Variants in WBP1L observed in about 807,000 individuals in gnomAD.
WBP1L encodes WW domain binding protein 1-like.
WBP1L carries 17 observed loss-of-function variants against 33.7 expected under a neutral mutation model. The ratio of observed to expected loss-of-function variants is 0.50; its 90% CI spans 0.34 to 0.76. The LOEUF (loss-of-function observed/expected upper bound fraction) is 0.76. Ranked by LOEUF, WBP1L falls within the 30% of genes least tolerant of loss-of-function variation. The pLI, the probability that WBP1L is intolerant of heterozygous loss-of-function variation, is 0.01. For missense variants in WBP1L, 389 were observed against 469.4 expected (o/e 0.83, Z 1.58); for synonymous variants, 173 against 190.8 (o/e 0.91, Z 0.77).
At chr10:102,757,177 C>T (rs1400620724) in intron 1 of WBP1L, among the ~76,000 whole-genome samples, 1 of 152,082 alleles carries the variant, frequency 6.6e-6, no homozygotes, top group Non-Finnish European at 1.5e-5. Context: ...ATGTGAGCCA[C>T]CACACCCAGC....
rs777376568 is a variant in WBP1L at position 102,813,204 on chromosome 10, A to G, written c.965A>G (p.Gln322Arg). ...GGTGATGAGGAGGAAGGCCTCTGTCAGTCCTCTGAGGAGCAGGCTCGAGAG... is the reference window on the plus strand; with the variant it reads ...GGTGATGAGGAGGAAGGCCTCTGTCGGTCCTCTGAGGAGCAGGCTCGAGAG... ...PPGDEEEGLCQSSEEQAREPG... is the reference protein window; with the variant it reads ...PPGDEEEGLCRSSEEQAREPG... The change falls in exon 4 of 4, where the codon CAG (glutamine) becomes CGG (arginine). Residue 322 changes from glutamine (Q) to arginine (R), a missense_variant. Gln to Arg is a conservative substitution (Grantham distance 43). Transcript: ENST00000448841. 3.7e-6 allele frequency: 6 copies of G among 1,613,620 alleles called. No homozygotes were observed. Among genetic ancestry groups the G allele is most frequent in the Middle Eastern group, 3.3e-4 (2 of 6,060 alleles).
At chr10:102,762,208 A>C (rs766026184) in intron 1 of WBP1L, among the ~76,000 whole-genome samples, 4 of 152,132 alleles carry the variant, frequency 2.6e-5, no homozygotes, top group Non-Finnish European at 4.4e-5. Context: ...AAAAATGAAG[A>C]AGTAAAAATA....
chr10:102,781,898 C>T (rs915384118), intron 1 of WBP1L, among the ~76,000 whole-genome samples: 5 of 151,512 alleles, frequency 3.3e-5, no homozygotes, highest in African/African-American at 9.7e-5. Flanking sequence ...GATGGAGTCT[C>T]GCTCTTGCTC....
chr10:102,744,488 T>A, intron 1 of WBP1L: 6 of 985,286 alleles, frequency 6.1e-6, no homozygotes, highest in Non-Finnish European at 7.2e-6. Context: ...CAGGCAGTAA[T>A]GCAGTATGTA....
rs928743348 is a variant in WBP1L, at chr10:102,814,320, C to A, written c.*989C>A. ...CCCTTTGGTCTGTGTTCACAGGTGA[C>A]CCGTGTCAGCCTGCATCGCAAGCAC... On this transcript the variant is annotated 3_prime_UTR_variant, in exon 4 of 4. Transcript: ENST00000448841. The A allele has an allele frequency of 1.3e-5, 2 of 152,488 alleles. No homozygotes were observed. The highest frequency in any genetic ancestry group is 2.9e-5 in the Non-Finnish European group (2 of 68,044). The allele number at this position is 152,488 out of a possible 1,614,324, so 9.4% of individuals were successfully genotyped here. A position where few individuals can be genotyped will look rare whatever the true frequency, so the allele number is the denominator to read the frequency against.
intron 1 of WBP1L, among the ~76,000 whole-genome samples, chr10:102,789,834 T>G (rs1246776332): frequency 6.7e-6 from 1 of 149,510 alleles, no homozygotes; most frequent in African/African-American, 2.5e-5. Flanking sequence ...CCCCCGCCTC[T>G]CAGGTTCAAG....
rs371707555 is a variant in WBP1L at position 102,754,531 on chromosome 10, T to A, written c.90+10388T>A. Among the ~76,000 whole-genome samples, 162 of 152,152 alleles carry A rather than the reference T, an allele frequency of 1.1e-3. 5 individuals are homozygous for A. In the East Asian group the frequency reaches 0.026, roughly 24 times the overall value. On this transcript the variant is annotated intron_variant, in intron 1 of 3. Coordinates refer to ENST00000448841, the MANE Select transcript of WBP1L (RefSeq NM_001083913.2). ...CTCCTGCCTCAGCCTCCCGAGTGGCTGGGACTACAGGCATGTGCCACCATG... is the reference window on the plus strand; with the variant it reads ...CTCCTGCCTCAGCCTCCCGAGTGGCAGGGACTACAGGCATGTGCCACCATG...
intron 1 of WBP1L, among the ~76,000 whole-genome samples, chr10:102,778,945 A>G (rs1051373856): frequency 1.4e-4 from 22 of 152,278 alleles, no homozygotes; most frequent in Admixed American, 6.5e-5. Flanking sequence ...GCTGAGGCTT[A>G]GAGAAGTTAA....
chr10:102,810,525 CCTTCCATCCA>C (rs1843820426), intron 3 of WBP1L, among the ~76,000 whole-genome samples: 1 of 84,338 alleles, frequency 1.2e-5, no homozygotes, highest in Non-Finnish European at 2.6e-5. Context: ...TTCCTTCCTT[CCTTCCATCCA>C]TCCTCCCTCC....
Position 102,799,227 on chromosome 10 carries a change from G to C in WBP1L, c.193+1132G>C, listed in dbSNP as rs1020687484. On this transcript the variant is annotated intron_variant, in intron 2 of 3. Transcript: ENST00000448841. Reference sequence around the variant, plus strand: ...TGCAGTCCCAGCTACTCAGGAGGCTGAGGCAGGAGAATCACTTGAACCCGG... The same window carrying C: ...TGCAGTCCCAGCTACTCAGGAGGCTCAGGCAGGAGAATCACTTGAACCCGG... Among the ~76,000 whole-genome samples the C allele has an allele frequency of 1.3e-5, 2 of 152,132 alleles. 1 individual carries two copies.
chr10:102,796,491 T>C (rs1273067829), intron 1 of WBP1L, among the ~76,000 whole-genome samples: 1 of 152,188 alleles, frequency 6.6e-6, no homozygotes, highest in Non-Finnish European at 1.5e-5. Context: ...TGTATACCCT[T>C]GGCCAAGTAG....
chr10:102,768,370 T>TG (rs1843139685), intron 1 of WBP1L, among the ~76,000 whole-genome samples: 1 of 18,992 alleles, frequency 5.3e-5, no homozygotes, highest in Non-Finnish European at 9.7e-5. Flanking sequence ...ATTAGTTTTT[T>TG]GTTTTTTTTT....
chr10:102,746,433 C>T (rs944037107), intron 1 of WBP1L, among the ~76,000 whole-genome samples: 1 of 152,218 alleles, frequency 6.6e-6, no homozygotes, highest in South Asian at 2.1e-4. Flanking sequence ...TCACTCCTGA[C>T]GCTCCCTATA....
intron 1 of WBP1L, among the ~76,000 whole-genome samples, chr10:102,750,522 AT>A (rs1253622493): frequency 1.4e-5 from 2 of 142,922 alleles, no homozygotes; most frequent in Non-Finnish European, 3.1e-5. Context: ...ATTTTAGCAT[AT>A]TTTCTTTTTT....
chr10:102,779,550 C>T (rs570702027), intron 1 of WBP1L, among the ~76,000 whole-genome samples: 188 of 152,168 alleles, frequency 1.2e-3, no homozygotes, highest in African/African-American at 4.4e-3. Flanking sequence ...GGTCCGCTCG[C>T]CTCGGCCTCC....
intron 1 of WBP1L, among the ~76,000 whole-genome samples, chr10:102,778,872 T>TG (rs1843300253): frequency 6.6e-6 from 1 of 152,200 alleles, no homozygotes; most frequent in Non-Finnish European, 1.5e-5. Context: ...TCCATATGAT[T>TG]GTTTTTTCCC....
chr10:102,808,459 C>T (rs1050086474), intron 2 of WBP1L, among the ~76,000 whole-genome samples: 1 of 152,172 alleles, frequency 6.6e-6, no homozygotes, highest in South Asian at 2.1e-4. Flanking sequence ...AGTATGATCC[C>T]AGAGACAGCA....
intron 1 of WBP1L, among the ~76,000 whole-genome samples, chr10:102,757,873 C>A (rs180749796): frequency 0.052 from 1,857 of 35,502 alleles, 40 homozygotes; most frequent in South Asian, 0.18. Context: ...ACTGTACCTG[C>A]CCTCCCCCCC....
At chr10:102,789,777 C>T (rs1365578272) in intron 1 of WBP1L, among the ~76,000 whole-genome samples, 8 of 145,422 alleles carry the variant, frequency 5.5e-5, no homozygotes, top group African/African-American at 1.8e-4. Flanking sequence ...CAGTCTCACT[C>T]TGTCACCCAG....
Sources: allele counts gnomAD v4.1 joint callset (sites outside exome capture counted in the v4.1 genomes callset), GRCh38; gene constraint gnomAD v4.1.1; transcripts MANE v1.5; gene names NCBI Gene and HGNC (gene_info 2026-07-23, HGNC 2026-07-21).